TASP1: variants seen among roughly 807,000 people sequenced by gnomAD.
TASP1 encodes the protein taspase 1, also known as threonine aspartase 1.
A neutral mutation model predicts 56.6 loss-of-function variants in TASP1; 16 were observed. The ratio of observed to expected loss-of-function variants is 0.28; its 90% CI spans 0.19 to 0.43. TASP1 has a LOEUF of 0.43. Among genes scored for constraint, TASP1 ranks in the 20% least tolerant of loss-of-function variants. TASP1 has a pLI of 1.00. For synonymous variants in TASP1, 179 were observed against 184.2 expected, an observed-to-expected ratio of 0.97 and a Z score of 0.23; for missense variants, 393 against 511.6, an observed-to-expected ratio of 0.77 and a Z score of 2.24.
intron 10 of TASP1, among the ~76,000 whole-genome samples, chr20:13,496,388 T>C (rs1195820378): frequency 2.0e-5 from 3 of 151,792 alleles, no homozygotes; most frequent in Non-Finnish European, 4.4e-5. Flanking sequence ...GCTGGACCCA[T>C]GAACTACAGT....
At chr20:13,255,501 ACT>A in the TASP1 span, among the ~76,000 whole-genome samples, 1 of 152,186 alleles carries the variant, frequency 6.6e-6, no homozygotes, top group African/African-American at 2.4e-5. Context: ...GGAGGGATTA[ACT>A]CTGCTGAAGA....
chr20:13,591,339 C>T (rs1306360007), intron 4 of TASP1, among the ~76,000 whole-genome samples: 6 of 151,936 alleles, frequency 3.9e-5, no homozygotes, highest in Non-Finnish European at 1.5e-5. Context: ...ATCTTAAGAG[C>T]AACAAGAGCA....
At chr20:13,265,054 G>T in the TASP1 span, among the ~76,000 whole-genome samples, 10 of 152,188 alleles carry the variant, frequency 6.6e-5, no homozygotes, top group African/African-American at 2.4e-4. Flanking sequence ...TGGGCCCGAT[G>T]TGTATAATAT....
At chr20:13,228,219 C>A in the TASP1 span, among the ~76,000 whole-genome samples, 1 of 151,940 alleles carries the variant, frequency 6.6e-6, no homozygotes, top group Non-Finnish European at 1.5e-5. Context: ...GTGATCTGCC[C>A]GTCCTGGCCT....
chr20:13,430,973 A>C (rs2042785673), intron 12 of TASP1, among the ~76,000 whole-genome samples: 1 of 152,174 alleles, frequency 6.6e-6, no homozygotes, highest in African/African-American at 2.4e-5. Context: ...AGTGGCAATG[A>C]GGTTCGACTG....
At chr20:13,205,580 G>A in the TASP1 span, among the ~76,000 whole-genome samples, 272 of 152,264 alleles carry the variant, frequency 1.8e-3, 1 homozygote, top group African/African-American at 6.3e-3. Context: ...CTATCCTCAC[G>A]TGGTGGACAG....
the TASP1 span, chr20:13,279,594 T>C: frequency 8.9e-6 from 14 of 1,580,280 alleles, no homozygotes; most frequent in Non-Finnish European, 1.1e-5. Flanking sequence ...TTGGAGGCTG[T>C]TGACTCCACA....
intron 6 of TASP1, among the ~76,000 whole-genome samples, chr20:13,578,925 G>C (rs546126238): frequency 2.0e-5 from 3 of 152,088 alleles, no homozygotes; most frequent in Non-Finnish European, 2.9e-5. Context: ...GACTATTCTT[G>C]TACACTTGTT....
At chr20:13,623,400 A>T (rs753958349) in intron 4 of TASP1, 46 bp downstream of exon 4, 24 of 1,507,936 alleles carry the variant, frequency 1.6e-5, no homozygotes, top group Non-Finnish European at 1.9e-5. Flanking sequence ...AAGAACAATA[A>T]AGATAAACTC....
the TASP1 span, among the ~76,000 whole-genome samples, chr20:13,293,176 C>T: frequency 3.1e-4 from 47 of 150,146 alleles, no homozygotes; most frequent in African/African-American, 9.8e-4. Flanking sequence ...CTCCAGCACT[C>T]CAGCCTGGGT....
intron 8 of TASP1, among the ~76,000 whole-genome samples, chr20:13,540,489 C>T (rs2146941543): frequency 6.6e-6 from 1 of 152,188 alleles, no homozygotes; most frequent in East Asian, 1.9e-4. Context: ...GGGAACAATC[C>T]AAATGTCTAT....
intron 4 of TASP1, among the ~76,000 whole-genome samples, chr20:13,598,268 C>G (rs2147334895): frequency 6.6e-6 from 1 of 152,280 alleles, no homozygotes. Flanking sequence ...CATCATGCTA[C>G]CTGACTTCAA....
chr20:13,120,676 C>G, the TASP1 span, among the ~76,000 whole-genome samples: 1 of 152,042 alleles, frequency 6.6e-6, no homozygotes, highest in Non-Finnish European at 1.5e-5. Context: ...CATTTGAAAA[C>G]AAGGAGAAAA....
the TASP1 span, among the ~76,000 whole-genome samples, chr20:13,231,530 C>T: frequency 2.6e-5 from 4 of 152,210 alleles, no homozygotes; most frequent in Non-Finnish European, 5.9e-5. Context: ...TTGTCATCTA[C>T]TCCCTGTGAG....
chr20:13,148,247 C>T, the TASP1 span, among the ~76,000 whole-genome samples: 1 of 152,160 alleles, frequency 6.6e-6, no homozygotes, highest in Non-Finnish European at 1.5e-5. Flanking sequence ...TTTTCTTCCC[C>T]TGACCCAGCT....
chr20:13,625,091 T>C (rs2048841239), intron 3 of TASP1, 94 bp downstream of exon 3: 9 of 890,536 alleles, frequency 1.0e-5, no homozygotes, highest in Non-Finnish European at 1.5e-5. Flanking sequence ...TGGAAGACTG[T>C]CCTAGAAATG....
At chr20:13,159,776 A>T in the TASP1 span, among the ~76,000 whole-genome samples, 1 of 152,108 alleles carries the variant, frequency 6.6e-6, no homozygotes, top group Non-Finnish European at 1.5e-5. Context: ...CAGACCCATA[A>T]TACCACACAC....
At chr20:13,268,352 CTCTCT>C in the TASP1 span, among the ~76,000 whole-genome samples, 1 of 2,430 alleles carries the variant, frequency 4.1e-4, no homozygotes, top group East Asian at 0.014. Context: ...TTCTTCCTCT[CTCTCT>C]CTCTCTCTCT....
chr20:13,506,644 A>G (rs1202355771), intron 10 of TASP1, among the ~76,000 whole-genome samples: 3 of 152,136 alleles, frequency 2.0e-5, no homozygotes, highest in Admixed American at 6.6e-5. Flanking sequence ...CAAAAACCAT[A>G]TGATCATCTC....
Sources: allele counts gnomAD v4.1 joint callset (sites outside exome capture counted in the v4.1 genomes callset), GRCh38; gene constraint gnomAD v4.1.1; transcripts MANE v1.5; gene names NCBI Gene and HGNC (gene_info 2026-07-23, HGNC 2026-07-21).